Variants in SGCZ observed in about 807,000 individuals in gnomAD.
SGCZ encodes zeta-sarcoglycan.
A neutral mutation model predicts 41.3 loss-of-function variants in SGCZ; 40 were observed. The ratio of observed to expected loss-of-function variants is 0.97; its 90% CI spans 0.75 to 1.26. SGCZ has a LOEUF of 1.26. SGCZ is among the 50% of genes most tolerant of loss of function. SGCZ has a pLI of 0.00. For synonymous variants in SGCZ, 206 were observed against 137.5 expected (o/e 1.50, Z -3.49); for missense variants, 552 against 369.8 (o/e 1.49, Z -4.04).
At chr8:15,095,978 G>C (rs980528253) in intron 1 of SGCZ, among the ~76,000 whole-genome samples, 1 of 152,114 alleles carries the variant, frequency 6.6e-6, no homozygotes, top group Non-Finnish European at 1.5e-5. Context: ...ACGAAAATGA[G>C]CAGTTCTGTG....
chr8:14,197,468 T>C (rs932257348), intron 4 of SGCZ, among the ~76,000 whole-genome samples: 2 of 152,056 alleles, frequency 1.3e-5, no homozygotes, highest in African/African-American at 2.4e-5. Flanking sequence ...ATAATGTTGT[T>C]TATCACAAGA....
intron 2 of SGCZ, among the ~76,000 whole-genome samples, chr8:14,336,600 T>G (rs1438963859): frequency 6.6e-6 from 1 of 152,162 alleles, no homozygotes; most frequent in Non-Finnish European, 1.5e-5. Context: ...CGCCAGTATC[T>G]GTTATGTTAT....
chr8:15,202,475 A>C (rs1016532153), intron 1 of SGCZ, among the ~76,000 whole-genome samples: 5 of 152,174 alleles, frequency 3.3e-5, no homozygotes, highest in Non-Finnish European at 5.9e-5. Flanking sequence ...TAAGAACAGT[A>C]CAACGGACTT....
chr8:14,434,297 G>C (rs1309742966), intron 2 of SGCZ, among the ~76,000 whole-genome samples: 1 of 152,074 alleles, frequency 6.6e-6, no homozygotes, highest in Non-Finnish European at 1.5e-5. Context: ...GTTTATTTCT[G>C]GGTTCTGTAT....
chr8:15,007,649 T>C (rs1417945217), intron 1 of SGCZ, among the ~76,000 whole-genome samples: 1 of 152,252 alleles, frequency 6.6e-6, no homozygotes, highest in Non-Finnish European at 1.5e-5. Flanking sequence ...TAATTACCTA[T>C]AATTTCATTA....
chr8:14,952,811 C>T (rs17654787), intron 1 of SGCZ, among the ~76,000 whole-genome samples: 1 of 151,958 alleles, frequency 6.6e-6, no homozygotes, highest in East Asian at 1.9e-4. Context: ...AGACTGAAAT[C>T]CTTGTTAGCA....
At chr8:15,139,877 T>C (rs1006716474) in intron 1 of SGCZ, among the ~76,000 whole-genome samples, 1 of 152,206 alleles carries the variant, frequency 6.6e-6, no homozygotes, top group African/African-American at 2.4e-5. Flanking sequence ...CCCCATGGCA[T>C]GTGACATCTA....
intron 3 of SGCZ, among the ~76,000 whole-genome samples, chr8:14,288,004 A>G (rs1323211203): frequency 6.6e-6 from 1 of 152,092 alleles, no homozygotes; most frequent in Non-Finnish European, 1.5e-5. Flanking sequence ...TTTACCTACT[A>G]TTTATGAGAA....
At chr8:14,935,203 A>C (rs1010969993) in intron 1 of SGCZ, among the ~76,000 whole-genome samples, 53 of 151,748 alleles carry the variant, frequency 3.5e-4, no homozygotes, top group Non-Finnish European at 1.0e-4. Flanking sequence ...ATTTTTTATA[A>C]AGTAGATGTT....
At chr8:14,546,860 A>G (rs536058062) in intron 2 of SGCZ, among the ~76,000 whole-genome samples, 34 of 152,312 alleles carry the variant, frequency 2.2e-4, no homozygotes, top group African/African-American at 7.9e-4. Flanking sequence ...CTCAGAAACT[A>G]TACAACCCAT....
intron 1 of SGCZ, among the ~76,000 whole-genome samples, chr8:14,753,681 T>C (rs1262977763): frequency 6.6e-6 from 1 of 152,046 alleles, no homozygotes; most frequent in East Asian, 1.9e-4. Context: ...ATCAGAATGG[T>C]TGTACAATTT....
At chr8:14,962,760 C>A (rs892472348) in intron 1 of SGCZ, among the ~76,000 whole-genome samples, 2 of 152,116 alleles carry the variant, frequency 1.3e-5, no homozygotes, top group African/African-American at 2.4e-5. Context: ...ATCAATGCAA[C>A]AAATGATGTT....
chr8:14,590,701 A>T (rs1805212588), intron 1 of SGCZ, among the ~76,000 whole-genome samples: 1 of 148,752 alleles, frequency 6.7e-6, no homozygotes, highest in African/African-American at 2.4e-5. Context: ...ATATATATGT[A>T]TAAACAGTAT....
At chr8:14,581,470 T>A (rs1804887242) in intron 1 of SGCZ, among the ~76,000 whole-genome samples, 1 of 151,794 alleles carries the variant, frequency 6.6e-6, no homozygotes, top group African/African-American at 2.4e-5. Flanking sequence ...TCCCCCACAG[T>A]GCTCAATGTG....
At chr8:14,334,134 T>G (rs192041093) in intron 2 of SGCZ, among the ~76,000 whole-genome samples, 2 of 152,162 alleles carry the variant, frequency 1.3e-5, no homozygotes, top group East Asian at 3.9e-4. Context: ...CAAAATCACA[T>G]TTCTAGACCC....
At chr8:14,553,950 G>A (rs1398282950) in intron 2 of SGCZ, among the ~76,000 whole-genome samples, 1 of 151,964 alleles carries the variant, frequency 6.6e-6, no homozygotes, top group East Asian at 1.9e-4. Context: ...AAAGCAGAAT[G>A]GTTTAAAAGC....
At chr8:14,621,291 G>C (rs998898950) in intron 1 of SGCZ, among the ~76,000 whole-genome samples, 2 of 111,356 alleles carry the variant, frequency 1.8e-5, no homozygotes, top group Non-Finnish European at 3.4e-5. Flanking sequence ...CTGTTGTGGG[G>C]TGGGGGGAGG....
At chr8:14,309,657 A>C in intron 3 of SGCZ, 4 of 1,610,576 alleles carry the variant, frequency 2.5e-6, no homozygotes, top group Non-Finnish European at 3.4e-6. Flanking sequence ...CACCACTAAA[A>C]ATAGGTTTGT....
intron 1 of SGCZ, among the ~76,000 whole-genome samples, chr8:14,670,551 A>C (rs572785898): frequency 1.3e-5 from 2 of 152,190 alleles, no homozygotes; most frequent in African/African-American, 4.8e-5. Flanking sequence ...GATTAGATTA[A>C]TTTGAGGCTA....
Sources: allele counts gnomAD v4.1 joint callset (sites outside exome capture counted in the v4.1 genomes callset), GRCh38; gene constraint gnomAD v4.1.1; transcripts MANE v1.5; gene names NCBI Gene and HGNC (gene_info 2026-07-23, HGNC 2026-07-21).